DEDD: variants seen among roughly 807,000 people sequenced by gnomAD.
The protein encoded by DEDD is death effector domain-containing protein.
DEDD carries 3 observed loss-of-function variants against 29.2 expected under a neutral mutation model. The ratio of observed to expected loss-of-function variants is 0.10; its 90% CI spans 0.05 to 0.27. The LOEUF is 0.27. DEDD is among the 10% of genes least tolerant of loss of function. The pLI, the probability that DEDD is intolerant of heterozygous loss-of-function variation, is 1.00. For synonymous variants in DEDD, 152 were observed against 161.3 expected, an observed-to-expected ratio of 0.94 and a Z score of 0.44; for missense variants, 261 against 420.5, an observed-to-expected ratio of 0.62 and a Z score of 3.32.
intron 2 of DEDD, 92 bp from the exon 3 acceptor site, chr1:161,124,618 A>G: frequency 7.1e-7 from 1 of 1,409,152 alleles, no homozygotes; most frequent in East Asian, 2.5e-5. Context: ...AATGCCTGGC[A>G]CAGTATAGTG....
chr1:161,132,119 C>T (rs1055073054), intron 1 of DEDD: 1 of 153,098 alleles, frequency 6.5e-6, no homozygotes, highest in Non-Finnish European at 1.5e-5. Context: ...CTCGCAACAC[C>T]CCTCATCAGA....
chr1:161,123,721 TGGG>T, intron 4 of DEDD, 115 bp downstream of exon 4: 2 of 849,736 alleles, frequency 2.4e-6, no homozygotes, highest in Non-Finnish European at 1.8e-6. Flanking sequence ...TTTTTTTTTA[TGGG>T]GCAAGATGTG....
Position 161,121,211 on chromosome 1 carries a change from C to G in DEDD, c.*936G>C. On this transcript the variant is annotated 3_prime_UTR_variant, in exon 6 of 6. Transcript: ENST00000368006. ...CAACACTCAGTGCATGTCCCAGCCC[C>G]ATTCTCCCAAGCATGGGAGTGGGCG... The G allele has an allele frequency of 7.0e-6, 7 of 1,001,872 alleles. No homozygotes were observed. The highest frequency in any genetic ancestry group is 8.3e-6 in the Non-Finnish European group (7 of 838,664). The allele number at this position is 1,001,872 out of a possible 1,614,324, so 62.1% of individuals were successfully genotyped here. A position where few individuals can be genotyped will look rare whatever the true frequency, so the allele number is the denominator to read the frequency against.
In DEDD at chr1:161,122,068, T is replaced by A; in HGVS notation, c.*79A>T. ...GCAGGGGTGTGATTGGTTGGAAGGGTAGAGAACAAACCCCAGAACAGTGTA... is the reference window on the plus strand; with the variant it reads ...GCAGGGGTGTGATTGGTTGGAAGGGAAGAGAACAAACCCCAGAACAGTGTA... On this transcript the variant is annotated 3_prime_UTR_variant, in exon 6 of 6. Coordinates refer to ENST00000368006, the MANE Select transcript of DEDD (RefSeq NM_032998.3). This position sits in a 1 kb window ranked among gnomAD's most constrained non-coding sequence, Gnocchi z 4.2. The A allele has an allele frequency of 6.7e-7, 1 of 1,481,522 alleles. No individual in the cohort carries two copies. Among genetic ancestry groups the A allele is most frequent in the Non-Finnish European group, 9.0e-7 (1 of 1,108,572 alleles). 91.8% of individuals were successfully genotyped at this position (1,481,522 alleles called of 1,614,324 possible). A position where few individuals can be genotyped will look rare whatever the true frequency, so the allele number is the denominator to read the frequency against.
chr1:161,128,930 G>A (rs536080669), intron 2 of DEDD, among the ~76,000 whole-genome samples: 1 of 152,250 alleles, frequency 6.6e-6, no homozygotes, highest in South Asian at 2.1e-4. Flanking sequence ...TTCAGCTGAG[G>A]AACAGGTGGT....
chr1:161,122,966 C>T lies in DEDD; in HGVS notation c.580+109G>A, dbSNP rs780218843. 1 of 1,597,056 alleles carries T rather than the reference C, an allele frequency of 6.3e-7. No homozygotes were observed. The highest frequency in any genetic ancestry group is 8.6e-7 in the Non-Finnish European group (1 of 1,164,612). On this transcript the variant is annotated intron_variant, in intron 5 of 5. Transcript: ENST00000368006. The surrounding 1 kb of genome is among the most constrained non-coding windows in gnomAD (Gnocchi z 4.2). Reference sequence around the variant, plus strand: ...ACCATTCAGCCTCACTTTGCAATGGCAATCAAAGTGAATCTCACACTGAAT... The same window carrying T: ...ACCATTCAGCCTCACTTTGCAATGGTAATCAAAGTGAATCTCACACTGAAT...
In DEDD at chr1:161,121,823, A is replaced by G; in HGVS notation, c.*324T>C. The G allele has an allele frequency of 4.2e-6, 1 of 236,776 alleles. No homozygotes were observed. The highest frequency in any genetic ancestry group is 8.3e-5 in the East Asian group (1 of 12,106). 14.7% of individuals were successfully genotyped at this position (236,776 alleles called of 1,614,324 possible). Reference sequence around the variant, plus strand: ...TAACTCCTTAGTGCATCCAAAAAAAAGTGTTCACATCAATCCCTTACAAAG... The same window carrying G: ...TAACTCCTTAGTGCATCCAAAAAAAGGTGTTCACATCAATCCCTTACAAAG... On this transcript the variant is annotated 3_prime_UTR_variant, in exon 6 of 6. Coordinates refer to ENST00000368006, the MANE Select transcript of DEDD (RefSeq NM_032998.3).
chr1:161,124,904 T>C, intron 2 of DEDD: 1 of 160,632 alleles, frequency 6.2e-6, no homozygotes, highest in Non-Finnish European at 1.4e-5. Flanking sequence ...AAGATCAGCC[T>C]GGTCAACATA....
chr1:161,132,303 A>G (rs1180436429), intron 1 of DEDD: 1 of 106,876 alleles, frequency 9.4e-6, no homozygotes, highest in African/African-American at 3.8e-5. Flanking sequence ...GCCCCTCCCC[A>G]TGCCCTCACT....
In DEDD at chr1:161,121,050, T is replaced by C. The variant is rs1655434617; in HGVS notation, c.*1097A>G. 4.7e-6 allele frequency: 6 copies of C among 1,279,830 alleles called. No homozygotes were observed. The highest frequency in any genetic ancestry group is 6.0e-6 in the Non-Finnish European group (6 of 1,007,566). 79.3% of individuals were successfully genotyped at this position (1,279,830 alleles called of 1,614,324 possible). A position where few individuals can be genotyped will look rare whatever the true frequency, so the allele number is the denominator to read the frequency against. On this transcript the variant is annotated 3_prime_UTR_variant, in exon 6 of 6. Coordinates refer to ENST00000368006, the MANE Select transcript of DEDD (RefSeq NM_032998.3). Reference sequence around the variant, plus strand: ...GCTGAGCAGCACTGGCATTGAAAAATATAATAATCATAAAGTCTGTGTCTG... The same window carrying C: ...GCTGAGCAGCACTGGCATTGAAAAACATAATAATCATAAAGTCTGTGTCTG...
Position 161,121,824 on chromosome 1 carries a change from G to T in DEDD, c.*323C>A. On this transcript the variant is annotated 3_prime_UTR_variant, in exon 6 of 6. Transcript: ENST00000368006. Reference sequence around the variant, plus strand: ...AACTCCTTAGTGCATCCAAAAAAAAGTGTTCACATCAATCCCTTACAAAGA... The same window carrying T: ...AACTCCTTAGTGCATCCAAAAAAAATTGTTCACATCAATCCCTTACAAAGA... The T allele has an allele frequency of 4.2e-6, 1 of 237,506 alleles. No homozygotes were observed. Among genetic ancestry groups the T allele is most frequent in the Non-Finnish European group, 8.4e-6 (1 of 119,498 alleles). 14.7% of individuals were successfully genotyped at this position (237,506 alleles called of 1,614,324 possible).
intron 2 of DEDD, chr1:161,124,738 G>A (rs1310337836): frequency 8.5e-6 from 4 of 472,656 alleles, no homozygotes; most frequent in East Asian, 4.8e-5. Flanking sequence ...AAGGCAGGAG[G>A]ATCACTTGAG....
Position 161,122,008 on chromosome 1 carries a change from CTTTT to C in DEDD, c.*135_*138del, listed in dbSNP as rs961802613. ...GGGTGGGGAATACCACTTCCACTTTCTTTTGTCTTTTTCTTTAAAAAAAAAAAAA... is the reference window on the plus strand; with the variant it reads ...GGGTGGGGAATACCACTTCCACTTTCGTCTTTTTCTTTAAAAAAAAAAAAA... On this transcript the variant is annotated 3_prime_UTR_variant, in exon 6 of 6. Coordinates refer to ENST00000368006, the MANE Select transcript of DEDD (RefSeq NM_032998.3). This position sits in a 1 kb window ranked among gnomAD's most constrained non-coding sequence, Gnocchi z 4.2. 5.4e-5 allele frequency: 64 copies of C among 1,180,248 alleles called. No individual in the cohort carries two copies. The highest frequency in any genetic ancestry group is 1.2e-4 in the Admixed American group (5 of 40,240). The allele number at this position is 1,180,248 out of a possible 1,614,324, so 73.1% of individuals were successfully genotyped here.
At position 161,122,882 on chromosome 1, in the gene DEDD, CAA is replaced by C. The variant is rs1207866192; in HGVS notation, c.580+191_580+192del. The C allele has an allele frequency of 2.4e-5, 25 of 1,024,500 alleles. No individual in the cohort carries two copies. The highest frequency in any genetic ancestry group is 5.0e-5 in the East Asian group (2 of 39,688). 63.5% of individuals were successfully genotyped at this position (1,024,500 alleles called of 1,614,324 possible). On this transcript the variant is annotated intron_variant, in intron 5 of 5. Coordinates refer to ENST00000368006, the MANE Select transcript of DEDD (RefSeq NM_032998.3). The surrounding 1 kb of genome is among the most constrained non-coding windows in gnomAD (Gnocchi z 4.2). ...ATCCCTGTGATGTAGTATTAACTAA[CAA>C]GAGTTGAAATGTACCCTGCCACAAT...
chr1:161,124,470 G>A lies in DEDD; in HGVS notation c.-8C>T, dbSNP rs1238739809. ...CCGCTTTAGGCCCGCCATGCTGGGG[G>A]CTCAGGTACGCAATGCTTTCCAGAA... On this transcript the variant is annotated 5_prime_UTR_variant, in exon 3 of 6. Coordinates refer to ENST00000368006, the MANE Select transcript of DEDD (RefSeq NM_032998.3). The A allele has an allele frequency of 6.3e-7, 1 of 1,593,420 alleles. No homozygotes were observed. The highest frequency in any genetic ancestry group is 1.3e-5 in the African/African-American group (1 of 74,648).
At position 161,130,227 on chromosome 1, in the gene DEDD, G is replaced by A. The variant is rs1369429422; in HGVS notation, c.-65+588C>T. On this transcript the variant is annotated intron_variant, in intron 2 of 5. Coordinates refer to ENST00000368006, the MANE Select transcript of DEDD (RefSeq NM_032998.3). The stretch of plus-strand genomic sequence containing the variant: ...TAAGAGATATCTGACTCTCTCAGAA[G>A]TCCTCAGAGGAAAAGTCATGCAGAA... Among the ~76,000 whole-genome samples, 7 of 152,218 alleles carry A rather than the reference G, an allele frequency of 4.6e-5. No individual in the cohort carries two copies. The East Asian group carries it at 1.2e-3, about 25-fold the overall frequency.
chr1:161,123,603 T>C (rs1571221132), intron 4 of DEDD, among the ~76,000 whole-genome samples: 1 of 138,154 alleles, frequency 7.2e-6, no homozygotes, highest in Non-Finnish European at 1.5e-5. Context: ...GCCACTGCAC[T>C]CCAGCCTGGG....
At position 161,123,928 on chromosome 1, in the gene DEDD, T is replaced by G; in HGVS notation, c.344A>C (p.Asp115Ala). 1 of 1,614,038 alleles carries G rather than the reference T, an allele frequency of 6.2e-7. No individual in the cohort carries two copies. Among genetic ancestry groups the G allele is most frequent in the Non-Finnish European group, 8.5e-7 (1 of 1,179,990 alleles). The change falls in exon 4 of 6, where the codon GAC becomes GCC. Residue 115 changes from aspartate (D) to alanine (A), a missense_variant. Coordinates refer to ENST00000368006, the MANE Select transcript of DEDD (RefSeq NM_032998.3). ...AATTGATGTCTCCTCCAGATACTTG[T>G]CTACAAGATCAGGGCACACTGTAGG... Reference protein sequence around the residue: ...RRRAVCPDLVDKYLEETSIRY... With the variant: ...RRRAVCPDLVAKYLEETSIRY...
chr1:161,126,343 C>CTTTTT (rs538174697), intron 2 of DEDD, among the ~76,000 whole-genome samples: 1 of 132,502 alleles, frequency 7.5e-6, no homozygotes, highest in Non-Finnish European at 1.6e-5. Context: ...ACTCCAAACT[C>CTTTTT]TTTTTTTTTT....
Sources: allele counts gnomAD v4.1 joint callset (sites outside exome capture counted in the v4.1 genomes callset), GRCh38; gene constraint gnomAD v4.1.1; non-coding constraint Gnocchi (gnomAD v3.1); transcripts MANE v1.5; gene names NCBI Gene and HGNC (gene_info 2026-07-23, HGNC 2026-07-21).